The following STPG2 variants were observed in gnomAD, a reference collection of about 807,000 sequenced individuals.
The protein encoded by STPG2 is sperm tail PG-rich repeat containing 2.
STPG2 carries 56 observed loss-of-function variants against 54.2 expected under a neutral mutation model. The ratio of observed to expected loss-of-function variants is 1.03; its 90% CI spans 0.83 to 1.29. The LOEUF (loss-of-function observed/expected upper bound fraction) is 1.29. Ranked by LOEUF, STPG2 falls within the 50% of genes most tolerant of loss-of-function variation. The pLI, the probability that STPG2 is intolerant of heterozygous loss-of-function variation, is 0.00. For synonymous variants in STPG2, 200 were observed against 181.8 expected, an observed-to-expected ratio of 1.10 and a Z score of -0.81; for missense variants, 596 against 544.9, an observed-to-expected ratio of 1.09 and a Z score of -0.93.
intron 8 of STPG2, among the ~76,000 whole-genome samples, chr4:97,941,509 T>G (rs1229760741): frequency 1.3e-5 from 2 of 152,202 alleles, no homozygotes; most frequent in Non-Finnish European, 2.9e-5. Flanking sequence ...CTAATGCTTA[T>G]GTCATGGTTT....
chr4:97,851,144 A>T (rs974324528), intron 8 of STPG2, among the ~76,000 whole-genome samples: 6 of 152,288 alleles, frequency 3.9e-5, no homozygotes, highest in Middle Eastern at 3.4e-3. Flanking sequence ...TTACATTTGC[A>T]ATTAAACAAG....
chr4:97,956,114 G>A (rs941659183), intron 7 of STPG2, among the ~76,000 whole-genome samples: 1 of 152,036 alleles, frequency 6.6e-6, no homozygotes, highest in Admixed American at 6.6e-5. Context: ...CTTAAAATAT[G>A]TAGATTTAAA....
intron 9 of STPG2, among the ~76,000 whole-genome samples, chr4:97,803,438 T>C (rs190036621): frequency 6.6e-6 from 1 of 152,274 alleles, no homozygotes; most frequent in African/African-American, 2.4e-5. Context: ...ACCACATGAT[T>C]CAGGTCAGTG....
At chr4:97,599,350 G>C (rs1198305119) in intron 10 of STPG2, among the ~76,000 whole-genome samples, 1 of 152,182 alleles carries the variant, frequency 6.6e-6, no homozygotes, top group East Asian at 1.9e-4. Flanking sequence ...ATTCCTCAAA[G>C]AACTTAGAAC....
At chr4:97,769,699 T>C (rs1168614186) in intron 9 of STPG2, among the ~76,000 whole-genome samples, 1 of 152,030 alleles carries the variant, frequency 6.6e-6, no homozygotes, top group Non-Finnish European at 1.5e-5. Context: ...TATATGAACA[T>C]GTCAAATTTA....
At chr4:97,684,888 T>A (rs114519756) in intron 10 of STPG2, among the ~76,000 whole-genome samples, 9,480 of 151,930 alleles carry the variant, frequency 0.062, 371 homozygotes, top group South Asian at 0.17. Context: ...TACAATTTTT[T>A]AAAAATTATA....
intron 10 of STPG2, among the ~76,000 whole-genome samples, chr4:97,578,032 A>G (rs1187855189): frequency 6.6e-6 from 1 of 152,108 alleles, no homozygotes; most frequent in Non-Finnish European, 1.5e-5. Context: ...TACGAATATA[A>G]CACGCCTCCT....
intron 10 of STPG2, among the ~76,000 whole-genome samples, chr4:97,601,059 G>A (rs1216704076): frequency 1.3e-5 from 2 of 152,058 alleles, no homozygotes. Context: ...ATAGGAGTGG[G>A]ATGGATGAGA....
chr4:97,575,779 A>G (rs887079948), intron 10 of STPG2, among the ~76,000 whole-genome samples: 2 of 152,186 alleles, frequency 1.3e-5, no homozygotes, highest in Admixed American at 1.3e-4. Context: ...ATCAGGCAAG[A>G]CAAATAAATA....
At chr4:98,082,075 CA>C in intron 5 of STPG2, among the ~76,000 whole-genome samples, 1 of 152,108 alleles carries the variant, frequency 6.6e-6, no homozygotes, top group South Asian at 2.1e-4. Context: ...ACATCCTTAC[CA>C]ATATACTTCC....
chr4:97,780,215 A>G (rs1726554848), intron 9 of STPG2, among the ~76,000 whole-genome samples: 1 of 85,970 alleles, frequency 1.2e-5, no homozygotes, highest in African/African-American at 4.6e-5. Context: ...ACAGAGGCTC[A>G]AAATAAAGGG....
intron 5 of STPG2, among the ~76,000 whole-genome samples, chr4:98,084,212 G>T (rs904177842): frequency 6.6e-6 from 1 of 152,100 alleles, no homozygotes; most frequent in Non-Finnish European, 1.5e-5. Flanking sequence ...TATTTTTAAT[G>T]TCTGATTTCT....
At chr4:97,599,649 C>G (rs1169909873) in intron 10 of STPG2, among the ~76,000 whole-genome samples, 2 of 151,868 alleles carry the variant, frequency 1.3e-5, no homozygotes, top group African/African-American at 4.8e-5. Context: ...CGGTGAAACC[C>G]CGTCTCTACT....
intron 8 of STPG2, among the ~76,000 whole-genome samples, chr4:97,924,796 G>A (rs1732273380): frequency 6.6e-6 from 1 of 151,912 alleles, no homozygotes. Context: ...TTTGCATCAG[G>A]GACCTTAAAT....
rs577261581 is a variant in STPG2 at position 97,975,065 on chromosome 4, C to T, written c.773-2625G>A. Among the ~76,000 whole-genome samples the T allele has an allele frequency of 2.7e-3, 414 of 152,180 alleles. 1 individual carries two copies. Among genetic ancestry groups the T allele is most frequent in the South Asian group, 4.8e-3 (23 of 4,804 alleles). On this transcript the variant is annotated intron_variant, in intron 6 of 10. Coordinates refer to ENST00000295268, the MANE Select transcript of STPG2 (RefSeq NM_174952.3). ...TCAAAAGCTTGAATAATGTATAATT[C>T]CATTTATATGTAAATTTAGAAAAGA...
chr4:97,704,652 C>G (rs1560728253), intron 10 of STPG2, among the ~76,000 whole-genome samples: 1 of 152,150 alleles, frequency 6.6e-6, no homozygotes, highest in African/African-American at 2.4e-5. Flanking sequence ...TGTGCCATGA[C>G]CTTTACAATT....
chr4:98,108,656 C>T (rs1375519087), intron 4 of STPG2, among the ~76,000 whole-genome samples: 2 of 152,086 alleles, frequency 1.3e-5, no homozygotes, highest in Non-Finnish European at 2.9e-5. Flanking sequence ...TACATGGCTA[C>T]ATGTGCTGTA....
intron 5 of STPG2, chr4:98,026,386 T>C (rs186252032): frequency 2.6e-5 from 11 of 423,714 alleles, no homozygotes; most frequent in African/African-American, 2.3e-4. Flanking sequence ...TTTATCCTCT[T>C]TGGCCTAGGT....
At chr4:97,680,732 T>C (rs1399048617) in intron 10 of STPG2, among the ~76,000 whole-genome samples, 1 of 151,848 alleles carries the variant, frequency 6.6e-6, no homozygotes, top group Admixed American at 6.6e-5. Flanking sequence ...ATGAGTAGAG[T>C]AAGAAGAAAT....
Sources: allele counts gnomAD v4.1 joint callset (sites outside exome capture counted in the v4.1 genomes callset), GRCh38; gene constraint gnomAD v4.1.1; transcripts MANE v1.5; gene names NCBI Gene and HGNC (gene_info 2026-07-23, HGNC 2026-07-21).